HEPHL1: variants seen among roughly 807,000 people sequenced by gnomAD.
HEPHL1 encodes ferroxidase HEPHL1.
Under a neutral mutation model 122.0 loss-of-function variants are expected in HEPHL1, and 123 were observed. That is an observed-to-expected ratio of 1.01 (90% CI 0.87 to 1.17). The LOEUF (loss-of-function observed/expected upper bound fraction) is 1.17. HEPHL1 is among the 50% of genes most tolerant of loss of function. HEPHL1 has a pLI of 0.00. For synonymous variants in HEPHL1, 527 were observed against 508.9 expected, an observed-to-expected ratio of 1.04 and a Z score of -0.48; for missense variants, 1,452 against 1,430.5, an observed-to-expected ratio of 1.01 and a Z score of -0.24.
In HEPHL1 at chr11:94,049,423, C is replaced by T. The variant is rs184159709; in HGVS notation, c.415+3506C>T. Among the ~76,000 whole-genome samples the T allele has an allele frequency of 5.7e-4, 87 of 151,984 alleles. 4 individuals carry two copies. Among genetic ancestry groups the T allele is most frequent in the Admixed American group, 1.5e-3 (23 of 15,256 alleles). ...GCAATGTAAATTAGTACAGCCACTA[C>T]GGAAAACAGTATGGAGATTCTTCAA... On this transcript the variant is annotated intron_variant, in intron 2 of 19. Transcript: ENST00000315765.
rs143676091 is a variant in HEPHL1 at position 94,078,579 on chromosome 11, A to C, written c.1716+3194A>C. On this transcript the variant is annotated intron_variant, in intron 9 of 19. Coordinates refer to ENST00000315765, the MANE Select transcript of HEPHL1 (RefSeq NM_001098672.2). The stretch of plus-strand genomic sequence containing the variant: ...CCTGCAGGCTGAGTCAACAGGCAGA[A>C]GACCCAGGAGAGCCAATGGGGTGGC... Among the ~76,000 whole-genome samples the C allele has an allele frequency of 7.3e-3, 1,108 of 151,726 alleles. 10 individuals are homozygous for C. Among genetic ancestry groups the C allele is most frequent in the African/African-American group, 0.026 (1,056 of 41,380 alleles).
intron 15 of HEPHL1, 76 bp downstream of exon 15, chr11:94,103,096 G>A: frequency 1.2e-6 from 1 of 827,584 alleles, no homozygotes; most frequent in Non-Finnish European, 2.1e-6. Flanking sequence ...CACAATTTGG[G>A]TTGGTATATG....
At chr11:94,092,012 AC>A (rs1331785140) in intron 12 of HEPHL1, among the ~76,000 whole-genome samples, 1 of 152,162 alleles carries the variant, frequency 6.6e-6, no homozygotes, top group Non-Finnish European at 1.5e-5. Flanking sequence ...AAAAGGCTTA[AC>A]ATCAACGTTG....
intron 2 of HEPHL1, chr11:94,054,916 A>C (rs965764379): frequency 6.6e-6 from 1 of 152,418 alleles, no homozygotes; most frequent in East Asian, 1.9e-4. Flanking sequence ...CTTTAAGCCA[A>C]TCATGAAATT....
intron 18 of HEPHL1, 148 bp from the exon 19 acceptor site, chr11:94,111,389 A>G: frequency 4.2e-6 from 3 of 710,938 alleles, no homozygotes; most frequent in Non-Finnish European, 7.4e-6. Context: ...AAGCATGTAC[A>G]TGGGAATGAA....
chr11:94,068,262 G>T (rs954294333), intron 5 of HEPHL1, among the ~76,000 whole-genome samples: 14 of 152,166 alleles, frequency 9.2e-5, no homozygotes, highest in African/African-American at 3.4e-4. Flanking sequence ...TAAGGTTTTA[G>T]CACTGGAAAG....
chr11:94,042,887 A>AC (rs1464924524), intron 1 of HEPHL1, among the ~76,000 whole-genome samples: 2 of 144,308 alleles, frequency 1.4e-5, no homozygotes, highest in African/African-American at 5.2e-5. Context: ...AAAAAAAAAA[A>AC]AAAAAACTGC....
In HEPHL1 at chr11:94,111,722, T is replaced by C. The variant is rs867644355; in HGVS notation, c.3308T>C (p.Phe1103Ser). The change falls in exon 20 of 20, where the codon TTT becomes TCT. Residue 1103 changes from phenylalanine to serine, a missense_variant. Transcript: ENST00000315765. ...CCTGGCAAAGAGCAGCTCTATTTCTTTGGCAAGAATCTGGGTCCAACAGGA... is the reference window on the plus strand; with the variant it reads ...CCTGGCAAAGAGCAGCTCTATTTCTCTGGCAAGAATCTGGGTCCAACAGGA... ...ERPGKEQLYF[F>S]GKNLGPTGAK... The C allele has an allele frequency of 2.5e-6, 4 of 1,607,942 alleles. No homozygotes were observed. Among genetic ancestry groups the C allele is most frequent in the African/African-American group, 1.3e-5 (1 of 74,658 alleles).
chr11:94,066,572 A>G (rs946174906), intron 4 of HEPHL1, among the ~76,000 whole-genome samples: 2 of 152,150 alleles, frequency 1.3e-5, no homozygotes, highest in African/African-American at 4.8e-5. Context: ...AAAAAAAGAG[A>G]GAGAGACTGG....
At chr11:94,057,558 A>G (rs1284432416) in intron 2 of HEPHL1, among the ~76,000 whole-genome samples, 1 of 152,046 alleles carries the variant, frequency 6.6e-6, no homozygotes, top group Non-Finnish European at 1.5e-5. Flanking sequence ...GAGCTCCTCT[A>G]GTATTTTATT....
chr11:94,069,053 T>TA lies in HEPHL1; in HGVS notation c.1063+1305dup, dbSNP rs200045354. On this transcript the variant is annotated intron_variant, in intron 5 of 19. Coordinates refer to ENST00000315765, the MANE Select transcript of HEPHL1 (RefSeq NM_001098672.2). ...GATGCTCTTCTGGGAAAACAAAGAT[T>TA]AACAAGAGAAGGTTTCTATTCTCAA... Among the ~76,000 whole-genome samples the TA allele has an allele frequency of 6.0e-4, 92 of 152,194 alleles. 1 individual carries two copies. The East Asian group carries it at 0.017, about 28-fold the overall frequency.
chr11:94,047,034 G>A (rs780065693), intron 2 of HEPHL1, among the ~76,000 whole-genome samples: 35 of 152,182 alleles, frequency 2.3e-4, no homozygotes, highest in Non-Finnish European at 4.6e-4. Flanking sequence ...GCAGCGAGAG[G>A]AGAGAACTCT....
Position 94,037,265 on chromosome 11 carries a change from A to T in HEPHL1, c.171-8408A>T, listed in dbSNP as rs1375654590. ...TGCTAGCACAGCAGTCTGAGATCAAACTGCAAGGCGGCAGCGAGGCTGGGG... is the reference window on the plus strand; with the variant it reads ...TGCTAGCACAGCAGTCTGAGATCAATCTGCAAGGCGGCAGCGAGGCTGGGG... On this transcript the variant is annotated intron_variant, in intron 1 of 19. Transcript: ENST00000315765. Among the ~76,000 whole-genome samples, 6 of 152,120 alleles carry T rather than the reference A, an allele frequency of 3.9e-5. No individual in the cohort carries two copies. The South Asian group carries it at 1.2e-3, about 32-fold the overall frequency.
chr11:94,031,181 T>C (rs1185793342), intron 1 of HEPHL1, among the ~76,000 whole-genome samples: 1 of 151,992 alleles, frequency 6.6e-6, no homozygotes, highest in Non-Finnish European at 1.5e-5. Context: ...CCCCTCCCCC[T>C]ACAACAGTAT....
At chr11:94,056,564 A>G (rs1945937665) in intron 2 of HEPHL1, among the ~76,000 whole-genome samples, 1 of 152,010 alleles carries the variant, frequency 6.6e-6, no homozygotes, top group South Asian at 2.1e-4. Flanking sequence ...TATGCACCCT[A>G]GTTTATTACA....
intron 2 of HEPHL1, among the ~76,000 whole-genome samples, chr11:94,056,580 C>T (rs1174421166): frequency 6.6e-6 from 1 of 151,756 alleles, no homozygotes; most frequent in Non-Finnish European, 1.5e-5. Context: ...TTACATTTAC[C>T]AACTAAATTC....
intron 1 of HEPHL1, among the ~76,000 whole-genome samples, chr11:94,043,000 A>G (rs1455570272): frequency 1.3e-5 from 2 of 151,936 alleles, no homozygotes; most frequent in African/African-American, 2.4e-5. Flanking sequence ...AAGGATTGGG[A>G]AAGAAAAGAA....
At chr11:94,050,273 T>C (rs1325878752) in intron 2 of HEPHL1, among the ~76,000 whole-genome samples, 1 of 152,196 alleles carries the variant, frequency 6.6e-6, no homozygotes, top group East Asian at 1.9e-4. Flanking sequence ...ACTTAAGCCA[T>C]TGTGAATGAA....
intron 12 of HEPHL1, 124 bp from the exon 13 acceptor site, chr11:94,093,377 A>G: frequency 9.7e-7 from 1 of 1,034,798 alleles, no homozygotes; most frequent in Non-Finnish European, 1.5e-6. Flanking sequence ...CCTGCTCCCC[A>G]GGGAGCACTT....
Sources: allele counts gnomAD v4.1 joint callset (sites outside exome capture counted in the v4.1 genomes callset), GRCh38; gene constraint gnomAD v4.1.1; transcripts MANE v1.5; gene names NCBI Gene and HGNC (gene_info 2026-07-23, HGNC 2026-07-21).